The following AEBP1 variants were observed in gnomAD, a reference collection of about 807,000 sequenced individuals.
AEBP1 encodes the protein adipocyte enhancer-binding protein 1.
In AEBP1, 69 loss-of-function variants were observed where a neutral mutation model predicts 116.5. The observed-to-expected ratio is 0.59, with a 90% CI of 0.49 to 0.72. The LOEUF is 0.72. Among genes scored for constraint, AEBP1 ranks in the 30% least tolerant of loss-of-function variants. The pLI, the probability that AEBP1 is intolerant of heterozygous loss-of-function variation, is 0.00. For missense variants in AEBP1, 1,444 were observed against 1,557.5 expected (o/e 0.93, Z 1.23); for synonymous variants, 627 against 627.3 (o/e 1.00, Z 0.01).
Position 44,107,664 on chromosome 7 carries a change from T to C in AEBP1, c.703T>C (p.Tyr235His). Residue 235 changes from tyrosine (Y) to histidine (H), a missense_variant, in exon 4 of 21, where the codon TAC (tyrosine) becomes CAC (histidine). Transcript: ENST00000223357. The surrounding 1 kb of genome is among the most constrained non-coding windows in gnomAD (Gnocchi z 4.3). ...GGAGACCGAGCAACCCACACTGGAC[T>C]ACAATGACCAGATCGAGAGGGAGGA... ...EEETEQPTLD[Y>H]NDQIEREDYE... 6.2e-7 allele frequency: 1 copy of C among 1,613,572 alleles called. No individual in the cohort carries two copies. Among genetic ancestry groups the C allele is most frequent in the Non-Finnish European group, 8.5e-7 (1 of 1,179,930 alleles).
chr7:44,109,817 T>C (rs577148768), intron 9 of AEBP1, 198 bp from the exon 10 acceptor site: 100 of 603,740 alleles, frequency 1.7e-4, no homozygotes, highest in Non-Finnish European at 2.5e-4. Flanking sequence ...AGGCTGGGAT[T>C]GGAAACAGCT....
At chr7:44,106,277 G>T in intron 1 of AEBP1, 1 of 635,322 alleles carries the variant, frequency 1.6e-6, no homozygotes, top group Non-Finnish European at 2.9e-6. Context: ...CAGGTGGGGG[G>T]ATGAGGGCCT....
rs758385259 is a variant in AEBP1 at position 44,107,633 on chromosome 7, G to A, written c.672G>A (p.Pro224=). Residue 224 remains proline, a synonymous_variant, in exon 4 of 21, where the codon CCG becomes CCA. Coordinates refer to ENST00000223357, the MANE Select transcript of AEBP1 (RefSeq NM_001129.5). This position sits in a 1 kb window ranked among gnomAD's most constrained non-coding sequence, Gnocchi z 4.3. ...CTACCAGCGCTTTCCCCTCAGAGCC[G>A]GAGGAGGAGACCGAGCAACCCACAC... ...HVEAREHQPE[P]EEETEQPTLD... is the part of the protein sequence containing the mutation. 59 of 1,613,526 alleles carry A rather than the reference G, an allele frequency of 3.7e-5. No individual in the cohort carries two copies. Among genetic ancestry groups the A allele is most frequent in the Middle Eastern group, 1.6e-4 (1 of 6,084 alleles).
rs780580682 is a variant in AEBP1 at position 44,112,267 on chromosome 7, G to T, written c.2163G>T (p.Arg721=). ...GAEERKWVPY[R]VPNNNLPIPE... The stretch of plus-strand genomic sequence containing the variant: ...AGGAGAGGAAATGGGTCCCCTACCG[G>T]GTCCCCAACAATAACTTGCCCATCC... The change falls in exon 17 of 21, where the codon CGG becomes CGT. Residue 721 remains arginine, a synonymous_variant. Coordinates refer to ENST00000223357, the MANE Select transcript of AEBP1 (RefSeq NM_001129.5). The surrounding 1 kb of genome is among the most constrained non-coding windows in gnomAD (Gnocchi z 6.6). 6.3e-7 allele frequency: 1 copy of T among 1,591,854 alleles called. No homozygotes were observed. The highest frequency in any genetic ancestry group is 1.4e-5 in the African/African-American group (1 of 73,966).
At chr7:44,106,442 A>G in intron 1 of AEBP1, 104 bp from the exon 2 acceptor site, 1 of 1,223,726 alleles carries the variant, frequency 8.2e-7, no homozygotes. Flanking sequence ...CGCACTGGGA[A>G]CTGACAAGAG....
chr7:44,105,226 C>T (rs936550133), intron 1 of AEBP1, among the ~76,000 whole-genome samples: 3 of 152,186 alleles, frequency 2.0e-5, no homozygotes, highest in African/African-American at 7.2e-5. Context: ...GCTTGAGCCA[C>T]AGGGGACTGT....
In AEBP1 at chr7:44,114,452, G is replaced by A; in HGVS notation, c.*191G>A. The A allele has an allele frequency of 1.5e-6, 1 of 681,336 alleles. No homozygotes were observed. Among genetic ancestry groups the A allele is most frequent in the Non-Finnish European group, 2.4e-6 (1 of 411,014 alleles). The allele number at this position is 681,336 out of a possible 1,614,324, so 42.2% of individuals were successfully genotyped here. ...GGACCTAAGAGCCAGAGGCTGTGTA[G>A]AGGCTCCTGCTCCACCTGCCAGTCT... On this transcript the variant is annotated 3_prime_UTR_variant, in exon 21 of 21. Coordinates refer to ENST00000223357, the MANE Select transcript of AEBP1 (RefSeq NM_001129.5).
Position 44,112,210 on chromosome 7 carries a change from C to T in AEBP1, c.2106C>T (p.Phe702=). Residue 702 remains phenylalanine (F), a synonymous_variant, in exon 17 of 21, where the codon TTC becomes TTT. Transcript: ENST00000223357. This position sits in a 1 kb window ranked among gnomAD's most constrained non-coding sequence, Gnocchi z 6.6. ...AGGGCTTTGACATCTTTGAAGATTT[C>T]CCGGATCTCAACTCTGTGCTCTGGG... The part of the protein sequence containing the change: ...TEEGFDIFED[F]PDLNSVLWGA... 4 of 1,609,502 alleles carry T rather than the reference C, an allele frequency of 2.5e-6. No homozygotes were observed. Among genetic ancestry groups the T allele is most frequent in the Non-Finnish European group, 2.6e-6 (3 of 1,176,368 alleles).
Position 44,108,589 on chromosome 7 carries a change from C to T in AEBP1, c.941-310C>T, listed in dbSNP as rs182292036. Among the ~76,000 whole-genome samples the T allele has an allele frequency of 6.6e-6, 1 of 152,178 alleles. No individual in the cohort carries two copies. The highest frequency in any genetic ancestry group is 2.4e-5 in the African/African-American group (1 of 41,434). Reference sequence around the variant, plus strand: ...TCCAATGTCTCCCCATCTCACCCCCCAGCCCGCAACCCCAGGCACAGGTGC... The same window carrying T: ...TCCAATGTCTCCCCATCTCACCCCCTAGCCCGCAACCCCAGGCACAGGTGC... On this transcript the variant is annotated intron_variant, in intron 6 of 20. Coordinates refer to ENST00000223357, the MANE Select transcript of AEBP1 (RefSeq NM_001129.5). The surrounding 1 kb of genome is among the most constrained non-coding windows in gnomAD (Gnocchi z 5.0).
In AEBP1 at chr7:44,112,587, C is replaced by T; in HGVS notation, c.2247C>T (p.Ala749=). 1 of 1,600,856 alleles carries T rather than the reference C, an allele frequency of 6.2e-7. No homozygotes were observed. Among genetic ancestry groups the T allele is most frequent in the Middle Eastern group, 1.7e-4 (1 of 6,012 alleles). Residue 749 remains alanine, a synonymous_variant, in exon 18 of 21, where the codon GCC becomes GCT. Coordinates refer to ENST00000223357, the MANE Select transcript of AEBP1 (RefSeq NM_001129.5). The surrounding 1 kb of genome is among the most constrained non-coding windows in gnomAD (Gnocchi z 6.6). Reference sequence around the variant, plus strand: ...CCACGGAGGTCCGGGCCATCATTGCCTGGATGGAGAAGAACCCCTTCGTGC... The same window carrying T: ...CCACGGAGGTCCGGGCCATCATTGCTTGGATGGAGAAGAACCCCTTCGTGC... ...TVSTEVRAII[A]WMEKNPFVLG... is the part of the protein sequence containing the mutation.
Position 44,112,778 on chromosome 7 carries a change from G to A in AEBP1, c.2438G>A (p.Arg813Gln). Residue 813 changes from arginine to glutamine, a missense_variant, in exon 18 of 21, where the codon CGG (arginine) becomes CAG (glutamine). Arg to Gln is a conservative substitution (Grantham distance 43). Coordinates refer to ENST00000223357, the MANE Select transcript of AEBP1 (RefSeq NM_001129.5). This position sits in a 1 kb window ranked among gnomAD's most constrained non-coding sequence, Gnocchi z 6.6. ...AQETPDHAIF[R>Q]WLAISFASAH... ...GAGACTCCAGACCACGCCATCTTCC[G>A]GTGGCTTGCCATCTCCTTCGCCTCC... 2 of 1,612,858 alleles carry A rather than the reference G, an allele frequency of 1.2e-6. No homozygotes were observed. Among genetic ancestry groups the A allele is most frequent in the Non-Finnish European group, 1.7e-6 (2 of 1,179,980 alleles).
In AEBP1 at chr7:44,113,818, AC is replaced by A. The variant is rs767004468; in HGVS notation, c.3040del (p.Gln1014AsnfsTer31). 2.5e-6 allele frequency: 4 copies of A among 1,613,356 alleles called. No homozygotes were observed. The highest frequency in any genetic ancestry group is 2.7e-5 in the African/African-American group (2 of 74,736). On this transcript the variant is annotated frameshift_variant, in exon 21 of 21. Coordinates refer to ENST00000223357, the MANE Select transcript of AEBP1 (RefSeq NM_001129.5). LOFTEE classifies it low-confidence loss of function (END_TRUNC). This position sits in a 1 kb window ranked among gnomAD's most constrained non-coding sequence, Gnocchi z 5.3. ...ACACATAGACCCATCGCGCCCTATG[AC>A]CCCCCAACAGCGACGCCTGCAGCAG... Reference protein sequence around the residue: ...IPHIDPSRPMTPQQRRLQQRR... With the variant: ...IPHIDPSRPMXPQQRRLQQRR...
chr7:44,113,985 C>T lies in AEBP1; in HGVS notation c.3201C>T (p.Pro1067=). ...PATTLSTTIE[P]WGLIPPTTAG... ...CCACCCTGAGCACTACCATAGAGCC[C>T]TGGGGCCTCATACCGCCAACCACCG... Residue 1067 remains proline (P), a synonymous_variant, in exon 21 of 21, where the codon CCC becomes CCT. Coordinates refer to ENST00000223357, the MANE Select transcript of AEBP1 (RefSeq NM_001129.5). This position sits in a 1 kb window ranked among gnomAD's most constrained non-coding sequence, Gnocchi z 5.3. The T allele has an allele frequency of 6.2e-7, 1 of 1,613,920 alleles. No individual in the cohort carries two copies. Among genetic ancestry groups the T allele is most frequent in the Non-Finnish European group, 8.5e-7 (1 of 1,179,920 alleles).
Position 44,107,113 on chromosome 7 carries a change from C to A in AEBP1, c.595+226C>A, listed in dbSNP as rs1472543864. Among the ~76,000 whole-genome samples, 1 of 152,232 alleles carries A rather than the reference C, an allele frequency of 6.6e-6. No homozygotes were observed. Among genetic ancestry groups the A allele is most frequent in the Non-Finnish European group, 1.5e-5 (1 of 68,044 alleles). On this transcript the variant is annotated intron_variant, in intron 2 of 20. Coordinates refer to ENST00000223357, the MANE Select transcript of AEBP1 (RefSeq NM_001129.5). This position sits in a 1 kb window ranked among gnomAD's most constrained non-coding sequence, Gnocchi z 4.3. ...GGCTTGGCAGCCTTTTGGGTGGGAC[C>A]TCTGTCCCTCAGGCCCCTGCCCAGA...
At position 44,113,269 on chromosome 7, in the gene AEBP1, G is replaced by T; in HGVS notation, c.2727G>T (p.Lys909Asn). 1 of 1,613,828 alleles carries T rather than the reference G, an allele frequency of 6.2e-7. No homozygotes were observed. The change falls in exon 20 of 21, where the codon AAG becomes AAT. Residue 909 changes from lysine to asparagine, a missense_variant. By Grantham distance (94) the Lys-to-Asn change is moderately conservative. Coordinates refer to ENST00000223357, the MANE Select transcript of AEBP1 (RefSeq NM_001129.5). The surrounding 1 kb of genome is among the most constrained non-coding windows in gnomAD (Gnocchi z 5.3). ...TFMEQVHRGI[K>N]GVVTDEQGIP... ...TTCCCTAGGTGCACCGCGGCATTAA[G>T]GGGGTGGTGACGGACGAGCAAGGCA... is the stretch of plus-strand genomic sequence containing the variant.
In AEBP1 at chr7:44,114,144, G is replaced by C. The variant is rs1477687406; in HGVS notation, c.3360G>C (p.Gln1120His). The change falls in exon 21 of 21, where the codon CAG (glutamine) becomes CAC (histidine). Residue 1120 changes from glutamine to histidine, a missense_variant. Transcript: ENST00000223357. ...ETQLEPEFETQLEPEFEEEEE... is the reference protein window; with the variant it reads ...ETQLEPEFETHLEPEFEEEEE... ...AGTTGGAGCCTGAGTTTGAGACCCA[G>C]CTGGAACCCGAGTTTGAGGAAGAGG... 4.3e-6 allele frequency: 7 copies of C among 1,613,986 alleles called. No homozygotes were observed. Among genetic ancestry groups the C allele is most frequent in the Non-Finnish European group, 5.9e-6 (7 of 1,180,042 alleles).
rs2096234637 is a variant in AEBP1, at chr7:44,114,440, A to G, written c.*179A>G. On this transcript the variant is annotated 3_prime_UTR_variant, in exon 21 of 21. Coordinates refer to ENST00000223357, the MANE Select transcript of AEBP1 (RefSeq NM_001129.5). ...CAAACATGACTGGGACCTAAGAGCC[A>G]GAGGCTGTGTAGAGGCTCCTGCTCC... The G allele has an allele frequency of 2.8e-6, 2 of 719,890 alleles. No individual in the cohort carries two copies. The highest frequency in any genetic ancestry group is 4.5e-6 in the Non-Finnish European group (2 of 444,270). The allele number at this position is 719,890 out of a possible 1,614,324, so 44.6% of individuals were successfully genotyped here.
Position 44,108,156 on chromosome 7 carries a change from C to T in AEBP1, c.940+72C>T. 1 of 1,448,658 alleles carries T rather than the reference C, an allele frequency of 6.9e-7. No homozygotes were observed. Among genetic ancestry groups the T allele is most frequent in the Non-Finnish European group, 9.4e-7 (1 of 1,060,210 alleles). 89.7% of individuals were successfully genotyped at this position (1,448,658 alleles called of 1,614,324 possible). A position where few individuals can be genotyped will look rare whatever the true frequency, so the allele number is the denominator to read the frequency against. ...GTCGGGGCTGGGGTGTGGTCAGGAG[C>T]CAGCTGGGGCAACTCACCCACCTTG... is the stretch of plus-strand genomic sequence containing the variant. On this transcript the variant is annotated intron_variant, in intron 6 of 20. Coordinates refer to ENST00000223357, the MANE Select transcript of AEBP1 (RefSeq NM_001129.5). This position sits in a 1 kb window ranked among gnomAD's most constrained non-coding sequence, Gnocchi z 5.0.
Position 44,104,695 on chromosome 7 carries a change from C to T in AEBP1, c.30C>T (p.Leu10=), listed in dbSNP as rs777965585. The part of the protein sequence containing the change: MAAVRGAPL[L]SCLLALLALC... ...CGGCCGTGCGCGGGGCGCCCCTGCT[C>T]AGCTGCCTCCTGGCGTTGCTGGCCC... Residue 10 remains leucine (L), a synonymous_variant, in exon 1 of 21, where the codon CTC becomes CTT. Coordinates refer to ENST00000223357, the MANE Select transcript of AEBP1 (RefSeq NM_001129.5). 14 of 1,597,902 alleles carry T rather than the reference C, an allele frequency of 8.8e-6. No homozygotes were observed. The East Asian group carries it at 3.2e-4, about 36-fold the overall frequency.
Sources: gnomAD v4.1 joint callset for allele counts (sites outside exome capture counted in the v4.1 genomes callset) on GRCh38, gnomAD v4.1.1 for gene constraint, Gnocchi (gnomAD v3.1) non-coding constraint, MANE v1.5 for transcripts, NCBI Gene and HGNC (gene_info 2026-07-23, HGNC 2026-07-21) for gene names.